Variants in RYR3 observed in about 807,000 individuals in gnomAD.
RYR3 encodes ryanodine receptor 3, also known as brain ryanodine receptor-calcium release channel.
A neutral mutation model predicts 584.3 loss-of-function variants in RYR3; 207 were observed. That is an observed-to-expected ratio of 0.35 (90% confidence interval 0.32 to 0.40). RYR3 has a LOEUF of 0.40. RYR3 is among the 10% of genes least tolerant of loss of function. RYR3 has a pLI of 1.00. For synonymous variants in RYR3, 2,416 were observed against 2,248.5 expected (o/e 1.07, Z -2.11); for missense variants, 5,616 against 6,089.2 (o/e 0.92, Z 2.59).
intron 32 of RYR3, among the ~76,000 whole-genome samples, chr15:33,654,060 T>C (rs1014341811): frequency 6.6e-6 from 1 of 152,140 alleles, no homozygotes; most frequent in African/African-American, 2.4e-5. Flanking sequence ...ATGTCTACGT[T>C]AAACATTCTC....
rs181747928 is a variant in RYR3 at position 33,463,097 on chromosome 15, G to A, written c.52-10322G>A. ...GAGGATTGCTTGAGCCCAGGAGGTC[G>A]AGGCTTCAGTGAACTGTCATCGCAC... On this transcript the variant is annotated intron_variant, in intron 1 of 103. Coordinates refer to ENST00000634891, the MANE Select transcript of RYR3 (RefSeq NM_001036.6). Among the ~76,000 whole-genome samples, 975 of 152,064 alleles carry A rather than the reference G, an allele frequency of 6.4e-3. 5 individuals are homozygous for A. Among genetic ancestry groups the A allele is most frequent in the Non-Finnish European group, 9.8e-3 (663 of 67,974 alleles).
intron 94 of RYR3, chr15:33,852,077 AATAGTAG>A (rs1195523888): frequency 7.3e-5 from 2 of 27,564 alleles, no homozygotes; most frequent in African/African-American, 2.0e-4. Flanking sequence ...GAGGTCAGTG[AATAGTAG>A]GAGGTCTCCA....
Position 33,769,265 on chromosome 15 carries a change from G to C in RYR3, c.8816+93G>C, listed in dbSNP as rs550746304. On this transcript the variant is annotated intron_variant, in intron 62 of 103. Transcript: ENST00000634891. ...TATACTGAAGAGAAGACAGATCGCTGCTGCCAGGCTTTGAGAAGAGAGGAG... is the reference window on the plus strand; with the variant it reads ...TATACTGAAGAGAAGACAGATCGCTCCTGCCAGGCTTTGAGAAGAGAGGAG... The C allele has an allele frequency of 5.8e-5, 56 of 960,688 alleles. No individual in the cohort carries two copies. The South Asian group carries it at 7.1e-4, about 12-fold the overall frequency. 59.5% of individuals were successfully genotyped at this position (960,688 alleles called of 1,614,324 possible). A position where few individuals can be genotyped will look rare whatever the true frequency, so the allele number is the denominator to read the frequency against.
chr15:33,558,086 CTTTTTTAAATTTA>C (rs1404696810), intron 10 of RYR3, among the ~76,000 whole-genome samples: 2 of 152,014 alleles, frequency 1.3e-5, no homozygotes, highest in Non-Finnish European at 2.9e-5. Flanking sequence ...TGAGAACATT[CTTTTTTAAATTTA>C]TTTGTTTTTT....
intron 67 of RYR3, among the ~76,000 whole-genome samples, chr15:33,794,183 AT>A (rs2075399951): frequency 2.6e-5 from 2 of 76,366 alleles, no homozygotes; most frequent in East Asian, 2.8e-3. Flanking sequence ...TATACATTAT[AT>A]ATAAATATAT....
intron 1 of RYR3, among the ~76,000 whole-genome samples, chr15:33,316,012 A>G (rs560937933): frequency 7.2e-4 from 110 of 152,336 alleles, no homozygotes; most frequent in Admixed American, 2.7e-3. Context: ...TTATTAAGCA[A>G]GGAATAATTA....
At chr15:33,817,716 G>A (rs2076892093) in intron 75 of RYR3, among the ~76,000 whole-genome samples, 1 of 151,172 alleles carries the variant, frequency 6.6e-6, no homozygotes, top group Non-Finnish European at 1.5e-5. Flanking sequence ...TTGTCTTTAT[G>A]TCTTTCATTC....
At position 33,760,244 on chromosome 15, in the gene RYR3, C is replaced by A. The variant is rs561781874; in HGVS notation, c.8705+2648C>A. Among the ~76,000 whole-genome samples, 248 of 152,246 alleles carry A rather than the reference C, an allele frequency of 1.6e-3. 2 individuals are homozygous for A. The highest frequency in any genetic ancestry group is 5.7e-3 in the African/African-American group (236 of 41,546). On this transcript the variant is annotated intron_variant, in intron 60 of 103. Transcript: ENST00000634891. ...CTGCATCAACTAATGGGCAAAATAACCCGCTAGCATCATGACAGGATCAAA... is the reference window on the plus strand; with the variant it reads ...CTGCATCAACTAATGGGCAAAATAAACCGCTAGCATCATGACAGGATCAAA...
intron 1 of RYR3, among the ~76,000 whole-genome samples, chr15:33,422,281 AG>A (rs2044293470): frequency 6.6e-6 from 1 of 152,156 alleles, no homozygotes; most frequent in African/African-American, 2.4e-5. Context: ...AGCAGCAGTG[AG>A]TGACTTCATC....
intron 1 of RYR3, among the ~76,000 whole-genome samples, chr15:33,463,563 A>G (rs1041460128): frequency 2.6e-5 from 4 of 152,106 alleles, no homozygotes; most frequent in Admixed American, 2.6e-4. Flanking sequence ...GAAAAATGTC[A>G]TAGGTAATAG....
intron 3 of RYR3, among the ~76,000 whole-genome samples, chr15:33,513,016 T>C (rs2053175724): frequency 6.6e-6 from 1 of 152,222 alleles, no homozygotes; most frequent in Non-Finnish European, 1.5e-5. Context: ...GCTGCGTTTC[T>C]GGCAACATGT....
At chr15:33,821,120 C>T (rs960632865) in intron 78 of RYR3, 150 bp from the exon 79 acceptor site, 2 of 642,636 alleles carry the variant, frequency 3.1e-6, no homozygotes, top group African/African-American at 3.7e-5. Flanking sequence ...TGGCTAGTGT[C>T]TGGAAATAAA....
chr15:33,477,669 A>G (rs2049512703), intron 2 of RYR3, among the ~76,000 whole-genome samples: 1 of 151,196 alleles, frequency 6.6e-6, no homozygotes, highest in African/African-American at 2.4e-5. Flanking sequence ...AGGTCAGGAG[A>G]TGGAGACCAT....
At chr15:33,748,444 G>C (rs775594877) in intron 54 of RYR3, 24 bp from the exon 55 acceptor site, 7 of 1,610,304 alleles carry the variant, frequency 4.3e-6, no homozygotes, top group Non-Finnish European at 5.1e-6. Context: ...TGGCAACCCA[G>C]TGACTCTGCC....
intron 18 of RYR3, among the ~76,000 whole-genome samples, chr15:33,610,570 G>A (rs368555485): frequency 6.6e-6 from 1 of 152,138 alleles, no homozygotes; most frequent in African/African-American, 2.4e-5. Flanking sequence ...ATTAGAGGGA[G>A]CTACCTAATC....
chr15:33,505,017 G>A (rs948144488), intron 3 of RYR3, among the ~76,000 whole-genome samples: 2 of 152,190 alleles, frequency 1.3e-5, no homozygotes, highest in Non-Finnish European at 2.9e-5. Context: ...TACTGTCATT[G>A]CAAGTCTTTT....
intron 1 of RYR3, among the ~76,000 whole-genome samples, chr15:33,327,005 T>TA (rs1277780083): frequency 3.7e-5 from 4 of 108,438 alleles, no homozygotes; most frequent in East Asian, 2.1e-4. Flanking sequence ...AGGGTGTAGT[T>TA]TAAAAAAAAA....
chr15:33,852,097 T>G (rs2079167553), intron 94 of RYR3: 1 of 126,612 alleles, frequency 7.9e-6, no homozygotes, highest in African/African-American at 2.9e-5. Flanking sequence ...GGTCTCCATT[T>G]CCTTATCACC....
chr15:33,865,069 A>C (rs975301039), intron 103 of RYR3, 62 bp from the exon 104 acceptor site: 2 of 1,355,308 alleles, frequency 1.5e-6, no homozygotes, highest in East Asian at 2.3e-5. Context: ...GAACAAAAAC[A>C]AACTGGGTTT....
Sources: allele counts gnomAD v4.1 joint callset (sites outside exome capture counted in the v4.1 genomes callset), GRCh38; gene constraint gnomAD v4.1.1; transcripts MANE v1.5; gene names NCBI Gene and HGNC (gene_info 2026-07-23, HGNC 2026-07-21).